TMEM132D: variants seen among roughly 807,000 people sequenced by gnomAD.
The protein encoded by TMEM132D is transmembrane protein 132D, also known as mature OL transmembrane protein.
Under a neutral mutation model 62.3 loss-of-function variants are expected in TMEM132D, and 21 were observed. The observed-to-expected ratio is 0.34, with a 90% CI of 0.24 to 0.49. The LOEUF is 0.49. TMEM132D is among the 20% of genes least tolerant of loss of function. The pLI is 0.99. For synonymous variants in TMEM132D, 621 were observed against 575.6 expected, an observed-to-expected ratio of 1.08 and a Z score of -1.13; for missense variants, 1,346 against 1,402.8, an observed-to-expected ratio of 0.96 and a Z score of 0.65.
chr12:129,544,093 T>A (rs1394061145), intron 2 of TMEM132D, among the ~76,000 whole-genome samples: 1 of 152,256 alleles, frequency 6.6e-6, no homozygotes, highest in Admixed American at 6.5e-5. Context: ...TACACGTTTA[T>A]ATCCACTGAC....
At position 129,463,403 on chromosome 12, in the gene TMEM132D, C is replaced by A. The variant is rs531972677; in HGVS notation, c.1115+67656G>T. Among the ~76,000 whole-genome samples the A allele has an allele frequency of 1.2e-3, 187 of 151,822 alleles. 1 individual carries two copies. Among genetic ancestry groups the A allele is most frequent in the Non-Finnish European group, 2.1e-3 (144 of 67,952 alleles). On this transcript the variant is annotated intron_variant, in intron 3 of 8. Coordinates refer to ENST00000422113, the MANE Select transcript of TMEM132D (RefSeq NM_133448.3). Reference sequence around the variant, plus strand: ...CTTTCCATATGGCAAAAAACATAAGCAACCCAAAACAGCCTGTGTCCTGGG... The same window carrying A: ...CTTTCCATATGGCAAAAAACATAAGAAACCCAAAACAGCCTGTGTCCTGGG...
chr12:129,379,502 C>G (rs1870879229), intron 3 of TMEM132D, among the ~76,000 whole-genome samples: 1 of 152,190 alleles, frequency 6.6e-6, no homozygotes, highest in African/African-American at 2.4e-5. Context: ...TGGTAATGAC[C>G]TATGTCCAGA....
chr12:129,153,778 G>A (rs535407486), intron 5 of TMEM132D, among the ~76,000 whole-genome samples: 1 of 152,248 alleles, frequency 6.6e-6, no homozygotes, highest in South Asian at 2.1e-4. Flanking sequence ...TCAGGCGGAC[G>A]TGATTGCAAT....
intron 2 of TMEM132D, among the ~76,000 whole-genome samples, chr12:129,585,713 C>A (rs908240261): frequency 2.0e-5 from 3 of 151,996 alleles, no homozygotes; most frequent in African/African-American, 7.3e-5. Flanking sequence ...ATTTTAGAAG[C>A]ATCTAGCACA....
intron 1 of TMEM132D, among the ~76,000 whole-genome samples, chr12:129,723,386 C>A (rs146643870): frequency 5.9e-5 from 9 of 152,170 alleles, no homozygotes; most frequent in African/African-American, 2.2e-4. Context: ...GCCCCTCCTC[C>A]GCCCTGCTCT....
At chr12:129,378,955 G>T (rs1369400683) in intron 3 of TMEM132D, among the ~76,000 whole-genome samples, 7 of 152,100 alleles carry the variant, frequency 4.6e-5, no homozygotes, top group African/African-American at 1.7e-4. Flanking sequence ...TTGTCAGGAG[G>T]TTATCACTCA....
chr12:129,779,083 T>C lies in TMEM132D; in HGVS notation c.80-78385A>G, dbSNP rs545644716. ...GACCCCTTGCCTCTTTTTCCGTCAA[T>C]GTCCTTACCATTCTCATACAACGAG... is the stretch of plus-strand genomic sequence containing the variant. On this transcript the variant is annotated intron_variant, in intron 1 of 8. Coordinates refer to ENST00000422113, the MANE Select transcript of TMEM132D (RefSeq NM_133448.3). The surrounding 1 kb of genome is among the most constrained non-coding windows in gnomAD (Gnocchi z 4.1). Among the ~76,000 whole-genome samples, 67 of 152,306 alleles carry C rather than the reference T, an allele frequency of 4.4e-4. 1 individual carries two copies. The highest frequency in any genetic ancestry group is 4.2e-3 in the Admixed American group (64 of 15,298).
intron 1 of TMEM132D, among the ~76,000 whole-genome samples, chr12:129,727,712 G>A (rs1017002592): frequency 1.3e-5 from 2 of 152,084 alleles, no homozygotes; most frequent in African/African-American, 4.8e-5. Context: ...TTCTTCCGAG[G>A]TGATTTACAG....
intron 5 of TMEM132D, among the ~76,000 whole-genome samples, chr12:129,103,015 A>G (rs1296708504): frequency 6.6e-6 from 1 of 152,186 alleles, no homozygotes. Context: ...ATATCAGCAC[A>G]TTTACGAAAG....
intron 2 of TMEM132D, among the ~76,000 whole-genome samples, chr12:129,663,890 T>G (rs1049724946): frequency 1.3e-5 from 2 of 152,124 alleles, no homozygotes; most frequent in Non-Finnish European, 2.9e-5. Flanking sequence ...CCTTTCTCTT[T>G]GCAAAGAAAG....
chr12:129,302,190 C>A (rs1022828870), intron 4 of TMEM132D, among the ~76,000 whole-genome samples: 1 of 152,232 alleles, frequency 6.6e-6, no homozygotes, highest in Non-Finnish European at 1.5e-5. Context: ...TCTCGGCTCA[C>A]TGCAACCTCT....
At chr12:129,731,624 G>A (rs1157190104) in intron 1 of TMEM132D, among the ~76,000 whole-genome samples, 4 of 151,982 alleles carry the variant, frequency 2.6e-5, no homozygotes, top group Non-Finnish European at 5.9e-5. Flanking sequence ...GCAGTGGGCC[G>A]ATATAAGGAA....
At chr12:129,670,141 A>C (rs935908246) in intron 2 of TMEM132D, among the ~76,000 whole-genome samples, 10 of 152,162 alleles carry the variant, frequency 6.6e-5, no homozygotes, top group Non-Finnish European at 1.2e-4. Flanking sequence ...GATCTAACTT[A>C]ACCGACTCCA....
At chr12:129,580,080 G>A (rs1877799603) in intron 2 of TMEM132D, among the ~76,000 whole-genome samples, 1 of 152,150 alleles carries the variant, frequency 6.6e-6, no homozygotes, top group South Asian at 2.1e-4. Context: ...TAGGCCTTAA[G>A]GGGTCAGTGC....
rs1002314886 is a variant in TMEM132D at position 129,449,240 on chromosome 12, C to T, written c.1115+81819G>A. On this transcript the variant is annotated intron_variant, in intron 3 of 8. Coordinates refer to ENST00000422113, the MANE Select transcript of TMEM132D (RefSeq NM_133448.3). ...GGGGAAAACTGTGTAAGCACTTGGA[C>T]CCTTACCTACTCGATGATATAAATG... Among the ~76,000 whole-genome samples the T allele has an allele frequency of 3.3e-5, 5 of 152,260 alleles. No homozygotes were observed. The South Asian group carries it at 1.0e-3, about 32-fold the overall frequency.
chr12:129,566,022 C>T (rs2137116324), intron 2 of TMEM132D, among the ~76,000 whole-genome samples: 1 of 152,328 alleles, frequency 6.6e-6, no homozygotes. Flanking sequence ...CTATACCGCA[C>T]ACTGAATTCC....
chr12:129,496,490 A>G (rs1203523529), intron 3 of TMEM132D, among the ~76,000 whole-genome samples: 2 of 152,174 alleles, frequency 1.3e-5, no homozygotes, highest in Non-Finnish European at 2.9e-5. Context: ...GGAGGAAATT[A>G]TAATATTCAA....
At chr12:129,786,334 G>A (rs949652777) in intron 1 of TMEM132D, among the ~76,000 whole-genome samples, 9 of 152,120 alleles carry the variant, frequency 5.9e-5, no homozygotes, top group African/African-American at 2.2e-4. Flanking sequence ...GTGTGGAGTT[G>A]AGCTTCCGCA....
intron 4 of TMEM132D, among the ~76,000 whole-genome samples, chr12:129,220,855 C>T (rs7304911): frequency 0.26 from 38,822 of 150,700 alleles, 5,207 homozygotes; most frequent in East Asian, 0.45. Flanking sequence ...TTTTTTTCCT[C>T]CTGTTATATC....
Sources: gnomAD v4.1 joint callset for allele counts (sites outside exome capture counted in the v4.1 genomes callset) on GRCh38, gnomAD v4.1.1 for gene constraint, Gnocchi (gnomAD v3.1) non-coding constraint, MANE v1.5 for transcripts, NCBI Gene and HGNC (gene_info 2026-07-23, HGNC 2026-07-21) for gene names.